The following FOXO1 variants were observed in gnomAD, a reference collection of about 807,000 sequenced individuals.
The protein encoded by FOXO1 is forkhead box protein O1.
FOXO1 carries 6 observed loss-of-function variants against 44.1 expected under a neutral mutation model. The ratio of observed to expected loss-of-function variants is 0.14; its 90% CI spans 0.07 to 0.27. The LOEUF (loss-of-function observed/expected upper bound fraction) is 0.27. Ranked by LOEUF, FOXO1 falls within the 10% of genes least tolerant of loss-of-function variation. The pLI, the probability that FOXO1 is intolerant of heterozygous loss-of-function variation, is 1.00. For missense variants in FOXO1, 737 were observed against 888.8 expected, an observed-to-expected ratio of 0.83 and a Z score of 2.17; for synonymous variants, 380 against 362.7, an observed-to-expected ratio of 1.05 and a Z score of -0.54.
At chr13:40,563,976 C>T (rs1435676947) in intron 1 of FOXO1, among the ~76,000 whole-genome samples, 1 of 152,154 alleles carries the variant, frequency 6.6e-6, no homozygotes, top group African/African-American at 2.4e-5. Context: ...TCTTTGAACA[C>T]AATAGACACA....
intron 1 of FOXO1, among the ~76,000 whole-genome samples, chr13:40,585,548 A>G (rs575563767): frequency 1.3e-5 from 2 of 152,232 alleles, no homozygotes; most frequent in East Asian, 3.8e-4. Context: ...TCAAACATTG[A>G]TAACACCTAA....
intron 1 of FOXO1, among the ~76,000 whole-genome samples, chr13:40,649,515 T>C (rs953949433): frequency 2.5e-4 from 38 of 152,168 alleles, no homozygotes; most frequent in Admixed American, 5.9e-4. Flanking sequence ...AACATAACCA[T>C]CAACAGTTTG....
At chr13:40,606,842 G>A (rs924101474) in intron 1 of FOXO1, among the ~76,000 whole-genome samples, 10 of 152,108 alleles carry the variant, frequency 6.6e-5, no homozygotes, top group Non-Finnish European at 8.8e-5. Flanking sequence ...CTTCCTCATT[G>A]CCATTCCTAT....
chr13:40,580,291 A>C (rs1874908265), intron 1 of FOXO1, among the ~76,000 whole-genome samples: 1 of 152,228 alleles, frequency 6.6e-6, no homozygotes, highest in South Asian at 2.1e-4. Context: ...AATAAGTTGT[A>C]GTTTGCAAAC....
At chr13:40,585,171 G>C (rs1875110419) in intron 1 of FOXO1, among the ~76,000 whole-genome samples, 1 of 152,154 alleles carries the variant, frequency 6.6e-6, no homozygotes. Flanking sequence ...TAATCTTACG[G>C]ATAAAAAGCC....
intron 1 of FOXO1, among the ~76,000 whole-genome samples, chr13:40,572,947 T>C (rs542038726): frequency 6.6e-6 from 1 of 152,304 alleles, no homozygotes; most frequent in South Asian, 2.1e-4. Context: ...CCAGGCGTGT[T>C]TGGGGACTCC....
intron 1 of FOXO1, among the ~76,000 whole-genome samples, chr13:40,594,125 T>G (rs558964274): frequency 6.6e-6 from 1 of 152,258 alleles, no homozygotes; most frequent in African/African-American, 2.4e-5. Context: ...TATATAATTA[T>G]CAAGTGAACA....
chr13:40,634,635 C>G (rs538392122), intron 1 of FOXO1, among the ~76,000 whole-genome samples: 1 of 152,240 alleles, frequency 6.6e-6, no homozygotes, highest in South Asian at 2.1e-4. Flanking sequence ...GGGCAAGACC[C>G]TGTCTCGACA....
At chr13:40,647,238 A>C (rs1161477233) in intron 1 of FOXO1, among the ~76,000 whole-genome samples, 1 of 152,078 alleles carries the variant, frequency 6.6e-6, no homozygotes, top group Non-Finnish European at 1.5e-5. Flanking sequence ...TGTGGCCACC[A>C]CCCCACCAAA....
chr13:40,577,456 A>T (rs1213363872), intron 1 of FOXO1, among the ~76,000 whole-genome samples: 4 of 152,190 alleles, frequency 2.6e-5, no homozygotes, highest in Non-Finnish European at 5.9e-5. Flanking sequence ...ACTAGCAAAC[A>T]AAGAAACCTT....
At chr13:40,634,398 A>G (rs1165523555) in intron 1 of FOXO1, among the ~76,000 whole-genome samples, 2 of 152,230 alleles carry the variant, frequency 1.3e-5, no homozygotes, top group Non-Finnish European at 2.9e-5. Context: ...ACACTCCCAC[A>G]TTCAATAAAC....
intron 1 of FOXO1, among the ~76,000 whole-genome samples, chr13:40,585,243 G>C (rs1187689902): frequency 3.3e-5 from 5 of 152,136 alleles, no homozygotes; most frequent in African/African-American, 1.2e-4. Flanking sequence ...ACAGAAGCAA[G>C]AGTTAAGAGA....
At chr13:40,650,493 CAATT>C (rs750936192) in intron 1 of FOXO1, among the ~76,000 whole-genome samples, 1 of 152,046 alleles carries the variant, frequency 6.6e-6, no homozygotes, top group African/African-American at 2.4e-5. Flanking sequence ...GTTTGAATCT[CAATT>C]AAGCTGAACA....
intron 1 of FOXO1, among the ~76,000 whole-genome samples, chr13:40,664,313 T>C (rs142279326): frequency 1.3e-5 from 2 of 152,202 alleles, no homozygotes; most frequent in Non-Finnish European, 2.9e-5. Flanking sequence ...AGACAGCCTT[T>C]ACAGCAATTC....
chr13:40,650,766 GT>G (rs1449762935), intron 1 of FOXO1, among the ~76,000 whole-genome samples: 5 of 152,082 alleles, frequency 3.3e-5, no homozygotes, highest in Admixed American at 1.3e-4. Context: ...AATTGTTGTT[GT>G]TTTTTGAGAT....
intron 1 of FOXO1, among the ~76,000 whole-genome samples, chr13:40,581,107 G>A (rs1389686502): frequency 6.6e-6 from 1 of 152,204 alleles, no homozygotes; most frequent in African/African-American, 2.4e-5. Flanking sequence ...GACAGAAAGA[G>A]CTTTAGACTT....
intron 1 of FOXO1, among the ~76,000 whole-genome samples, chr13:40,617,058 A>C (rs1876448649): frequency 6.6e-6 from 1 of 152,260 alleles, no homozygotes; most frequent in Non-Finnish European, 1.5e-5. Context: ...GATATGTTTA[A>C]ATACGATACC....
At chr13:40,662,939 C>G (rs1437713199) in intron 1 of FOXO1, among the ~76,000 whole-genome samples, 1 of 152,170 alleles carries the variant, frequency 6.6e-6, no homozygotes, top group Non-Finnish European at 1.5e-5. Flanking sequence ...TAACAAGTAA[C>G]TCATTTTTAT....
At chr13:40,639,372 G>A (rs1010436793) in intron 1 of FOXO1, among the ~76,000 whole-genome samples, 2 of 151,036 alleles carry the variant, frequency 1.3e-5, no homozygotes, top group African/African-American at 2.4e-5. Context: ...CTACCACAGG[G>A]TCGCCTGTCA....
Sources: gnomAD v4.1 joint callset for allele counts (sites outside exome capture counted in the v4.1 genomes callset) on GRCh38, gnomAD v4.1.1 for gene constraint, MANE v1.5 for transcripts, NCBI Gene and HGNC (gene_info 2026-07-23, HGNC 2026-07-21) for gene names.